The following COLEC11 variants were observed in gnomAD, a reference collection of about 807,000 sequenced individuals.
COLEC11 encodes collectin-11.
In COLEC11, 20 loss-of-function variants were observed where a neutral mutation model predicts 27.3. The ratio of observed to expected loss-of-function variants is 0.73; its 90% CI spans 0.51 to 1.06. COLEC11 has a LOEUF of 1.06. COLEC11 is among the 50% of genes least tolerant of loss of function. The pLI, the probability that COLEC11 is intolerant of heterozygous loss-of-function variation, is 0.00. For synonymous variants in COLEC11, 163 were observed against 154.7 expected (o/e 1.05, Z -0.40); for missense variants, 310 against 383.0 (o/e 0.81, Z 1.59).
Position 3,644,197 on chromosome 2 carries a change from C to T in COLEC11, c.*79C>T, listed in dbSNP as rs1666106223. ...AGGGACAGAGCCCAGACCATGGTGC[C>T]AGCCAGGGAGCTGTCCCTCTGTGAA... On this transcript the variant is annotated 3_prime_UTR_variant, in exon 7 of 7. Coordinates refer to ENST00000349077, the MANE Select transcript of COLEC11 (RefSeq NM_024027.5). 8.3e-6 allele frequency: 13 copies of T among 1,569,266 alleles called. No individual in the cohort carries two copies. Among genetic ancestry groups the T allele is most frequent in the Non-Finnish European group, 1.1e-5 (13 of 1,154,478 alleles).
At chr2:3,605,679 T>TA (rs761615927) in intron 2 of COLEC11, 21 of 198,544 alleles carry the variant, frequency 1.1e-4, no homozygotes, top group Non-Finnish European at 2.2e-4. Flanking sequence ...GCTTGGGCCT[T>TA]CAGCTTCTCC....
rs529559822 is a variant in COLEC11 at position 3,633,936 on chromosome 2, G to A, written c.203-3597G>A. ...CGAAACAGCAGATGTGCATTTTCAG[G>A]GAATATCAGCTTTTCTGTAGGACCC... On this transcript the variant is annotated intron_variant, in intron 3 of 6. Coordinates refer to ENST00000349077, the MANE Select transcript of COLEC11 (RefSeq NM_024027.5). Among the ~76,000 whole-genome samples, 4 of 152,314 alleles carry A rather than the reference G, an allele frequency of 2.6e-5. No homozygotes were observed. In the South Asian group the frequency reaches 8.3e-4, roughly 32 times the overall value.
chr2:3,643,875 A>G lies in COLEC11; in HGVS notation c.573A>G (p.Ala191=), dbSNP rs763926251. 6.2e-7 allele frequency: 1 copy of G among 1,613,742 alleles called. No individual in the cohort carries two copies. Among genetic ancestry groups the G allele is most frequent in the Non-Finnish European group, 8.5e-7 (1 of 1,180,012 alleles). Residue 191 remains alanine (A), a synonymous_variant, in exon 7 of 7, where the codon GCA becomes GCG. Transcript: ENST00000349077. ...AGGCTGCCAATGGCCTGATGGCCGC[A>G]TACCTGGCGCAAGCCGGCCTGGCCC... The part of the protein sequence containing the change: ...KDEAANGLMA[A]YLAQAGLARV...
intron 3 of COLEC11, among the ~76,000 whole-genome samples, chr2:3,633,585 C>G (rs1665169098): frequency 6.6e-6 from 1 of 152,114 alleles, no homozygotes; most frequent in Admixed American, 6.5e-5. Flanking sequence ...CCTGATCTGG[C>G]AGCCTGGACC....
intron 2 of COLEC11, among the ~76,000 whole-genome samples, chr2:3,611,385 T>A (rs1023238180): frequency 7.2e-5 from 11 of 152,196 alleles, no homozygotes; most frequent in African/African-American, 2.7e-4. Flanking sequence ...CGGACTGGCC[T>A]CTCCCATGTT....
chr2:3,613,994 T>TTTTTTTTTTTTA (rs1663455569), intron 3 of COLEC11, among the ~76,000 whole-genome samples: 1 of 149,980 alleles, frequency 6.7e-6, no homozygotes, highest in African/African-American at 2.5e-5. Context: ...TTTTTTTTTT[T>TTTTTTTTTTTTA]GAGACTGAGT....
intron 2 of COLEC11, among the ~76,000 whole-genome samples, chr2:3,607,143 A>G (rs1326721760): frequency 6.6e-6 from 1 of 151,982 alleles, no homozygotes; most frequent in Non-Finnish European, 1.5e-5. Context: ...TGGCTGGAGA[A>G]TCTTCCTGAG....
chr2:3,606,948 C>T (rs759258304), intron 2 of COLEC11, among the ~76,000 whole-genome samples: 5 of 152,204 alleles, frequency 3.3e-5, no homozygotes, highest in Non-Finnish European at 5.9e-5. Flanking sequence ...GACAAGCGTC[C>T]GTTGAGAATC....
intron 2 of COLEC11, among the ~76,000 whole-genome samples, chr2:3,609,533 C>CT (rs1351615528): frequency 4.2e-5 from 3 of 70,662 alleles, no homozygotes; most frequent in African/African-American, 1.2e-4. Flanking sequence ...ACACATCCTG[C>CT]TATTTTTTTT....
chr2:3,628,121 A>C (rs1664692747), intron 3 of COLEC11, among the ~76,000 whole-genome samples: 2 of 152,248 alleles, frequency 1.3e-5, no homozygotes, highest in Admixed American at 6.5e-5. Context: ...TGACGTTTGG[A>C]AGGCCCTCCA....
intron 2 of COLEC11, among the ~76,000 whole-genome samples, chr2:3,611,838 A>C (rs1443407693): frequency 6.6e-6 from 1 of 152,078 alleles, no homozygotes; most frequent in East Asian, 2.0e-4. Context: ...TGTAATCTCA[A>C]CTGAGCCTCT....
intron 3 of COLEC11, among the ~76,000 whole-genome samples, chr2:3,628,734 A>C (rs1242311396): frequency 6.6e-6 from 1 of 152,244 alleles, no homozygotes; most frequent in Non-Finnish European, 1.5e-5. Context: ...CTGAATTTCA[A>C]ATGCTCTTTT....
chr2:3,616,573 A>C (rs1031510879), intron 3 of COLEC11, among the ~76,000 whole-genome samples: 2 of 152,262 alleles, frequency 1.3e-5, no homozygotes, highest in African/African-American at 2.4e-5. Context: ...CCCGGCCAAC[A>C]CAGCGAAACC....
chr2:3,637,677 T>C (rs1665533451), intron 4 of COLEC11, 73 bp downstream of exon 4: 5 of 1,188,472 alleles, frequency 4.2e-6, no homozygotes, highest in Non-Finnish European at 5.0e-6. Context: ...CTGAGAATAA[T>C]TGTAGCCTGA....
rs1013171742 is a variant in COLEC11 at position 3,602,424 on chromosome 2, A to G, written c.-26-1891A>G. Among the ~76,000 whole-genome samples the G allele has an allele frequency of 7.9e-5, 12 of 152,042 alleles. No individual in the cohort carries two copies. Among genetic ancestry groups the G allele is most frequent in the Non-Finnish European group, 1.5e-4 (10 of 68,010 alleles). ...CTGTTCACCTGGCTGCTCAGAACAA[A>G]AGCTTTAATCTTTGATTTCTCTCTG... On this transcript the variant is annotated intron_variant, in intron 1 of 6. Coordinates refer to ENST00000349077, the MANE Select transcript of COLEC11 (RefSeq NM_024027.5). This position sits in a 1 kb window ranked among gnomAD's most constrained non-coding sequence, Gnocchi z 6.2.
intron 3 of COLEC11, among the ~76,000 whole-genome samples, chr2:3,630,778 C>T (rs1384183681): frequency 6.6e-6 from 1 of 152,142 alleles, no homozygotes; most frequent in Non-Finnish European, 1.5e-5. Context: ...CTTTGGTCCT[C>T]CACAAAGAGA....
At chr2:3,604,562 C>T (rs574380549) in intron 2 of COLEC11, 92 bp downstream of exon 2, 1 of 1,428,832 alleles carries the variant, frequency 7.0e-7, no homozygotes, top group Admixed American at 1.7e-5. Context: ...CGGAAAAGCA[C>T]AAAGCCCCAG....
intron 3 of COLEC11, among the ~76,000 whole-genome samples, chr2:3,632,101 G>A (rs1004467372): frequency 1.3e-5 from 2 of 152,230 alleles, no homozygotes; most frequent in East Asian, 1.9e-4. Context: ...GTGACCCGAG[G>A]CACGGAATGC....
intron 1 of COLEC11, among the ~76,000 whole-genome samples, chr2:3,595,959 G>C (rs1189311498): frequency 6.6e-6 from 1 of 152,206 alleles, no homozygotes; most frequent in East Asian, 1.9e-4. Context: ...ACAGCTATTC[G>C]ATTTTGTTTA....
Sources: gnomAD v4.1 joint callset for allele counts (sites outside exome capture counted in the v4.1 genomes callset) on GRCh38, gnomAD v4.1.1 for gene constraint, Gnocchi (gnomAD v3.1) non-coding constraint, MANE v1.5 for transcripts, NCBI Gene and HGNC (gene_info 2026-07-23, HGNC 2026-07-21) for gene names.